Variants in RABGAP1 observed in about 807,000 individuals in gnomAD.
The protein encoded by RABGAP1 is RAB GTPase activating protein 1.
Under a neutral mutation model 137.6 loss-of-function variants are expected in RABGAP1, and 23 were observed. The ratio of observed to expected loss-of-function variants is 0.17; its 90% CI spans 0.12 to 0.24. The LOEUF (loss-of-function observed/expected upper bound fraction) is 0.24, where lower values mean the gene tolerates loss of function less well. Among genes scored for constraint, RABGAP1 ranks in the 10% least tolerant of loss-of-function variants. RABGAP1 has a pLI of 1.00. For synonymous variants in RABGAP1, 451 were observed against 450.7 expected, an observed-to-expected ratio of 1.00 and a Z score of -0.01; for missense variants, 906 against 1,275.8, an observed-to-expected ratio of 0.71 and a Z score of 4.42.
chr9:122,955,546 T>C (rs1834469415), intron 1 of RABGAP1, among the ~76,000 whole-genome samples: 1 of 152,242 alleles, frequency 6.6e-6, no homozygotes, highest in Admixed American at 6.5e-5. Flanking sequence ...TCCAGGCTTC[T>C]AGCCTTAGCT....
chr9:123,068,514 A>T (rs539474288), intron 14 of RABGAP1, among the ~76,000 whole-genome samples: 1 of 152,300 alleles, frequency 6.6e-6, no homozygotes, highest in African/African-American at 2.4e-5. Flanking sequence ...GTGTTAGCAT[A>T]TATTACTACT....
intron 1 of RABGAP1, among the ~76,000 whole-genome samples, chr9:122,943,699 A>C (rs1389703255): frequency 2.6e-5 from 4 of 152,156 alleles, no homozygotes; most frequent in Non-Finnish European, 5.9e-5. Flanking sequence ...CACGCCTGTA[A>C]TCCCAGCACT....
intron 2 of RABGAP1, among the ~76,000 whole-genome samples, chr9:122,960,397 A>C (rs1167648871): frequency 6.6e-6 from 1 of 152,186 alleles, no homozygotes; most frequent in Non-Finnish European, 1.5e-5. Context: ...GCCCTGCCCA[A>C]ACCACTCTCA....
rs1362867786 is a variant in RABGAP1 at position 123,098,863 on chromosome 9, T to C, written c.2817+65T>C. The stretch of plus-strand genomic sequence containing the variant: ...GAGCCCCTAGTCTGGATAAAATGTA[T>C]ACCCGCCCCCCACCCCCAAACCCAA... On this transcript the variant is annotated intron_variant, in intron 23 of 25. Coordinates refer to ENST00000373647, the MANE Select transcript of RABGAP1 (RefSeq NM_012197.4). 3 of 877,900 alleles carry C rather than the reference T, an allele frequency of 3.4e-6. No homozygotes were observed. In the Admixed American group the frequency reaches 7.3e-5, roughly 21 times the overall value. 54.4% of individuals were successfully genotyped at this position (877,900 alleles called of 1,614,324 possible). A position where few individuals can be genotyped will look rare whatever the true frequency, so the allele number is the denominator to read the frequency against.
At chr9:123,080,549 C>A (rs955491083) in intron 19 of RABGAP1, among the ~76,000 whole-genome samples, 4 of 152,096 alleles carry the variant, frequency 2.6e-5, no homozygotes, top group African/African-American at 7.2e-5. Context: ...AATAGTTGAA[C>A]CTGTTATGGG....
intron 3 of RABGAP1, 58 bp from the exon 4 acceptor site, chr9:122,986,157 C>T (rs1396079589): frequency 6.7e-6 from 10 of 1,494,094 alleles, no homozygotes; most frequent in East Asian, 4.5e-5. Context: ...ACTTGCTAAT[C>T]GTATCAACAA....
intron 13 of RABGAP1, chr9:123,035,227 C>T (rs2032563433): frequency 6.2e-7 from 1 of 1,614,182 alleles, no homozygotes; most frequent in Non-Finnish European, 8.5e-7. Context: ...CTGCCAACAG[C>T]ACACAAAGGA....
chr9:122,963,482 A>G (rs1408660699), intron 2 of RABGAP1, among the ~76,000 whole-genome samples: 1 of 152,188 alleles, frequency 6.6e-6, no homozygotes, highest in African/African-American at 2.4e-5. Flanking sequence ...AGTAAAACTG[A>G]AAATTCACTA....
At chr9:123,069,980 G>A (rs1408375731) in intron 14 of RABGAP1, among the ~76,000 whole-genome samples, 1 of 152,170 alleles carries the variant, frequency 6.6e-6, no homozygotes, top group Non-Finnish European at 1.5e-5. Context: ...ATTCATTCTG[G>A]GGGAATTGAA....
chr9:123,024,317 C>T (rs1464373710), intron 13 of RABGAP1, among the ~76,000 whole-genome samples: 1 of 152,162 alleles, frequency 6.6e-6, no homozygotes, highest in African/African-American at 2.4e-5. Flanking sequence ...TTCACAGTTC[C>T]ACCAGCAATG....
At position 123,103,380 on chromosome 9, in the gene RABGAP1, C is replaced by T. The variant is rs1182438196; in HGVS notation, c.*167C>T. 1 of 1,050,614 alleles carries T rather than the reference C, an allele frequency of 9.5e-7. No individual in the cohort carries two copies. The highest frequency in any genetic ancestry group is 1.3e-6 in the Non-Finnish European group (1 of 746,050). 65.1% of individuals were successfully genotyped at this position (1,050,614 alleles called of 1,614,324 possible). A position where few individuals can be genotyped will look rare whatever the true frequency, so the allele number is the denominator to read the frequency against. On this transcript the variant is annotated 3_prime_UTR_variant, in exon 26 of 26. Coordinates refer to ENST00000373647, the MANE Select transcript of RABGAP1 (RefSeq NM_012197.4). ...GACCAGAGCTTGTGAAGCAGGCAAC[C>T]TCTGGGGTAAGACTACTGATACTAA...
At chr9:122,954,082 T>A (rs1834391100) in intron 1 of RABGAP1, among the ~76,000 whole-genome samples, 1 of 152,196 alleles carries the variant, frequency 6.6e-6, no homozygotes. Context: ...GGAATTAGAA[T>A]TAAAGTCTGA....
chr9:123,046,293 A>G (rs2033202689), intron 13 of RABGAP1, among the ~76,000 whole-genome samples: 1 of 152,240 alleles, frequency 6.6e-6, no homozygotes, highest in Non-Finnish European at 1.5e-5. Context: ...TTTGAGGCTG[A>G]AGCGGTAAAG....
At chr9:122,955,850 A>C (rs1933229651) in intron 1 of RABGAP1, among the ~76,000 whole-genome samples, 1 of 152,224 alleles carries the variant, frequency 6.6e-6, no homozygotes, top group African/African-American at 2.4e-5. Flanking sequence ...CAGTCAGAGA[A>C]ATTAAACAGA....
chr9:122,977,529 C>T (rs1835825383), intron 2 of RABGAP1, among the ~76,000 whole-genome samples: 1 of 152,048 alleles, frequency 6.6e-6, no homozygotes, highest in South Asian at 2.1e-4. Context: ...TGGTGAAACC[C>T]ACCCCATCTC....
intron 22 of RABGAP1, 23 bp downstream of exon 22, chr9:123,097,868 C>T (rs1253338507): frequency 1.3e-6 from 2 of 1,593,978 alleles, no homozygotes; most frequent in Admixed American, 3.6e-5. Flanking sequence ...TCCCACATTC[C>T]TCTGTCTTGC....
rs1447209510 is a variant in RABGAP1 at position 122,963,130 on chromosome 9, C to T, written c.150+5921C>T. Among the ~76,000 whole-genome samples, 11 of 152,170 alleles carry T rather than the reference C, an allele frequency of 7.2e-5. No individual in the cohort carries two copies. The South Asian group carries it at 8.3e-4, about 11-fold the overall frequency. ...GGACAATTCAAGAATAATTGTTAGCCGGGCGTGGTGGCTGACTCCTGTAAT... is the reference window on the plus strand; with the variant it reads ...GGACAATTCAAGAATAATTGTTAGCTGGGCGTGGTGGCTGACTCCTGTAAT... On this transcript the variant is annotated intron_variant, in intron 2 of 25. Coordinates refer to ENST00000373647, the MANE Select transcript of RABGAP1 (RefSeq NM_012197.4).
chr9:123,044,347 T>TA (rs1185710448), intron 13 of RABGAP1, among the ~76,000 whole-genome samples: 5 of 152,230 alleles, frequency 3.3e-5, no homozygotes, highest in African/African-American at 1.2e-4. Flanking sequence ...CTATTTTACC[T>TA]ATGGTTCTTT....
At chr9:123,047,466 A>G (rs1457736094) in intron 13 of RABGAP1, among the ~76,000 whole-genome samples, 2 of 152,200 alleles carry the variant, frequency 1.3e-5, no homozygotes, top group African/African-American at 4.8e-5. Context: ...GCATTACTAC[A>G]TAGATACTAA....
Sources: allele counts gnomAD v4.1 joint callset (sites outside exome capture counted in the v4.1 genomes callset), GRCh38; gene constraint gnomAD v4.1.1; transcripts MANE v1.5; gene names NCBI Gene and HGNC (gene_info 2026-07-23, HGNC 2026-07-21).